SDC3: variants seen among roughly 807,000 people sequenced by gnomAD.
SDC3 encodes the protein syndecan 3.
SDC3 carries 13 observed loss-of-function variants against 24.4 expected under a neutral mutation model. The observed-to-expected ratio is 0.53, with a 90% CI of 0.35 to 0.85. The LOEUF (loss-of-function observed/expected upper bound fraction) is 0.85, where lower values mean the gene tolerates loss of function less well. SDC3 is among the 40% of genes least tolerant of loss of function. The pLI, the probability that SDC3 is intolerant of heterozygous loss-of-function variation, is 0.01. For missense variants in SDC3, 571 were observed against 584.5 expected, an observed-to-expected ratio of 0.98 and a Z score of 0.24; for synonymous variants, 295 against 260.9, an observed-to-expected ratio of 1.13 and a Z score of -1.26.
At chr1:30,891,832 G>A (rs1211347831) in intron 1 of SDC3, among the ~76,000 whole-genome samples, 4 of 145,010 alleles carry the variant, frequency 2.8e-5, no homozygotes, top group African/African-American at 5.1e-5. Flanking sequence ...CAGCCTGGGC[G>A]ACACAGTGAG....
chr1:30,872,975 G>A lies in SDC3; in HGVS notation c.*236C>T, dbSNP rs1639566213. Reference sequence around the variant, plus strand: ...TCCTGAAGCCCCAGACTGGTGGCAGGGATGAGGGGAACAAGAGATGAGCTC... The same window carrying A: ...TCCTGAAGCCCCAGACTGGTGGCAGAGATGAGGGGAACAAGAGATGAGCTC... On this transcript the variant is annotated 3_prime_UTR_variant, in exon 5 of 5. Coordinates refer to ENST00000339394, the MANE Select transcript of SDC3 (RefSeq NM_014654.4). 3.8e-6 allele frequency: 2 copies of A among 528,004 alleles called. No homozygotes were observed. The highest frequency in any genetic ancestry group is 6.7e-6 in the Non-Finnish European group (2 of 298,702). The allele number at this position is 528,004 out of a possible 1,614,324, so 32.7% of individuals were successfully genotyped here.
intron 1 of SDC3, chr1:30,880,048 G>C (rs1257526352): frequency 2.0e-5 from 3 of 152,584 alleles, no homozygotes; most frequent in Admixed American, 2.0e-4. Flanking sequence ...CATGGGGCAG[G>C]AGGAGCTGGG....
At chr1:30,890,890 C>T (rs1296628412) in intron 1 of SDC3, among the ~76,000 whole-genome samples, 1 of 152,216 alleles carries the variant, frequency 6.6e-6, no homozygotes, top group Non-Finnish European at 1.5e-5. Flanking sequence ...AACGTTTAGT[C>T]CGCAGACCAC....
chr1:30,885,871 G>A (rs2124324324), intron 1 of SDC3, among the ~76,000 whole-genome samples: 1 of 152,318 alleles, frequency 6.6e-6, no homozygotes, highest in South Asian at 2.1e-4. Context: ...TCTGTCCCCT[G>A]TGCCTAGACA....
intron 1 of SDC3, among the ~76,000 whole-genome samples, chr1:30,903,441 A>G (rs1343861999): frequency 6.6e-6 from 1 of 152,272 alleles, no homozygotes; most frequent in East Asian, 1.9e-4. Context: ...ACAAATGTAC[A>G]CATGCACGCA....
intron 1 of SDC3, among the ~76,000 whole-genome samples, chr1:30,896,343 C>T (rs1196499571): frequency 6.6e-6 from 1 of 152,130 alleles, no homozygotes; most frequent in Non-Finnish European, 1.5e-5. Context: ...AACAATGTAA[C>T]CCTGAGGGGA....
Position 30,874,443 on chromosome 1 carries a change from G to T in SDC3, c.1016C>A (p.Ala339Asp), listed in dbSNP as rs1437470228. ...TANEVVAVGG[A>D]AAKASSPPGT... is the part of the protein sequence containing the mutation. ...AGGTGGAGATGATGCCTTGGCCGCA[G>T]CCCCTCCCACAGCTACCACCTCATT... Residue 339 changes from alanine to aspartate, a missense_variant, in exon 4 of 5, where the codon GCT becomes GAT. Physicochemically the swap from Ala to Asp is moderately radical, Grantham distance 126. Coordinates refer to ENST00000339394, the MANE Select transcript of SDC3 (RefSeq NM_014654.4). 7 of 1,614,080 alleles carry T rather than the reference G, an allele frequency of 4.3e-6. No homozygotes were observed. The highest frequency in any genetic ancestry group is 5.9e-6 in the Non-Finnish European group (7 of 1,180,036).
At position 30,874,495 on chromosome 1, in the gene SDC3, C is replaced by T. The variant is rs200774918; in HGVS notation, c.964G>A (p.Glu322Lys). ...GPSGDFELPE[E>K]ETTQPDTANE... ...GCTGTGTCTGGTTGTGTGGTCTCTT[C>T]TTCTGGCAGCTCGAAGTCTCCACTG... The change falls in exon 4 of 5, where the codon GAA (glutamate) becomes AAA (lysine). Residue 322 changes from glutamate to lysine, a missense_variant. Physicochemically the swap from Glu to Lys is moderately conservative, Grantham distance 56. Coordinates refer to ENST00000339394, the MANE Select transcript of SDC3 (RefSeq NM_014654.4). 32 of 1,614,204 alleles carry T rather than the reference C, an allele frequency of 2.0e-5. No individual in the cohort carries two copies. In the East Asian group the frequency reaches 3.1e-4, roughly 16 times the overall value.
intron 3 of SDC3, among the ~76,000 whole-genome samples, chr1:30,875,582 C>T (rs1428923726): frequency 6.6e-6 from 1 of 152,178 alleles, no homozygotes; most frequent in East Asian, 1.9e-4. Context: ...TCCCACCTCT[C>T]CATCTTACTT....
chr1:30,876,744 G>A lies in SDC3; in HGVS notation c.678C>T (p.Thr226=), dbSNP rs1405839463. 5 of 1,589,056 alleles carry A rather than the reference G, an allele frequency of 3.1e-6. No homozygotes were observed. The highest frequency in any genetic ancestry group is 2.2e-5 in the East Asian group (1 of 44,680). Residue 226 remains threonine, a synonymous_variant, in exon 3 of 5, where the codon ACC becomes ACT. Transcript: ENST00000339394. The stretch of plus-strand genomic sequence containing the variant: ...TGGTGGGCGGGGAGGGCGCCTCGGG[G>A]GTAGTGGCCCGTGCCGTAGCCACTG... ...LTTVATARAT[T]PEAPSPPTTA...
chr1:30,894,624 G>C (rs533942331), intron 1 of SDC3, among the ~76,000 whole-genome samples: 1 of 39,618 alleles, frequency 2.5e-5, no homozygotes, highest in Admixed American at 2.7e-4. Context: ...TGTGAGTGTG[G>C]GTGAGAGTGT....
chr1:30,874,422 G>A lies in SDC3; in HGVS notation c.1037C>T (p.Pro346Leu). 1.2e-6 allele frequency: 2 copies of A among 1,614,200 alleles called. No homozygotes were observed. The highest frequency in any genetic ancestry group is 1.7e-6 in the Non-Finnish European group (2 of 1,180,014). The change falls in exon 4 of 5, where the codon CCA becomes CTA. Residue 346 changes from proline (P) to leucine (L), a missense_variant. Physicochemically the swap from Pro to Leu is moderately conservative, Grantham distance 98. Coordinates refer to ENST00000339394, the MANE Select transcript of SDC3 (RefSeq NM_014654.4). ...GGCACCCTTGGGCAGTGTCCCAGGT[G>A]GAGATGATGCCTTGGCCGCAGCCCC... ...VGGAAAKASS[P>L]PGTLPKGARP...
rs925820991 is a variant in SDC3, at chr1:30,904,779, T to G, written c.138+3670A>C. ...ACTTTCATTGCTTAGCTCAAAACCC[T>G]CCTCCTCCAGGAAGCCTTCCCTGAC... On this transcript the variant is annotated intron_variant, in intron 1 of 4. Coordinates refer to ENST00000339394, the MANE Select transcript of SDC3 (RefSeq NM_014654.4). 2.6e-5 allele frequency among the ~76,000 whole-genome samples: 4 copies of G among 152,020 alleles called. 1 individual carries two copies. Among genetic ancestry groups the G allele is most frequent in the African/African-American group, 9.7e-5 (4 of 41,384 alleles).
intron 1 of SDC3, among the ~76,000 whole-genome samples, chr1:30,895,939 C>T (rs989527432): frequency 6.6e-6 from 1 of 152,072 alleles, no homozygotes; most frequent in African/African-American, 2.4e-5. Flanking sequence ...AGGAGAAGGT[C>T]TCCTCAAAAC....
chr1:30,871,544 T>C lies in SDC3; in HGVS notation c.*1667A>G, dbSNP rs1639536234. ...GATCTGCAGGGGCTGCTTCCAGCCA[T>C]GGCCCCTGAAGCTGCAGCCAGAATT... On this transcript the variant is annotated 3_prime_UTR_variant, in exon 5 of 5. Coordinates refer to ENST00000339394, the MANE Select transcript of SDC3 (RefSeq NM_014654.4). 1 of 152,434 alleles carries C rather than the reference T, an allele frequency of 6.6e-6. No individual in the cohort carries two copies. Among genetic ancestry groups the C allele is most frequent in the South Asian group, 2.1e-4 (1 of 4,830 alleles). The allele number at this position is 152,434 out of a possible 1,614,324, so 9.4% of individuals were successfully genotyped here.
rs1031445312 is a variant in SDC3, at chr1:30,893,312, C to A, written c.139-14572G>T. Among the ~76,000 whole-genome samples, 6 of 126,834 alleles carry A rather than the reference C, an allele frequency of 4.7e-5. No individual in the cohort carries two copies. In the East Asian group the frequency reaches 9.1e-4, roughly 19 times the overall value. The allele number at this position is 126,834 out of a possible 152,430, so 83.2% of individuals were successfully genotyped here. A position where few individuals can be genotyped will look rare whatever the true frequency, so the allele number is the denominator to read the frequency against. On this transcript the variant is annotated intron_variant, in intron 1 of 4. Coordinates refer to ENST00000339394, the MANE Select transcript of SDC3 (RefSeq NM_014654.4). Reference sequence around the variant, plus strand: ...ACCCCACCCACCAGGAGCCCCCCCCCCCCCCACCATGTCTCATGACCAAAC... The same window carrying A: ...ACCCCACCCACCAGGAGCCCCCCCCACCCCCACCATGTCTCATGACCAAAC...
chr1:30,905,251 G>A (rs1013524155), intron 1 of SDC3, among the ~76,000 whole-genome samples: 13 of 151,816 alleles, frequency 8.6e-5, no homozygotes, highest in Non-Finnish European at 1.5e-4. Context: ...AGGAAGGAAC[G>A]GAAACCACCA....
chr1:30,890,299 C>T (rs936432268), intron 1 of SDC3, among the ~76,000 whole-genome samples: 9 of 152,202 alleles, frequency 5.9e-5, no homozygotes, highest in African/African-American at 2.2e-4. Flanking sequence ...AAGAGCAAAA[C>T]TCAGTCTCAA....
Position 30,874,469 on chromosome 1 carries a change from G to T in SDC3, c.990C>A (p.Ala330=). 1 of 1,614,144 alleles carries T rather than the reference G, an allele frequency of 6.2e-7. No individual in the cohort carries two copies. Among genetic ancestry groups the T allele is most frequent in the Non-Finnish European group, 8.5e-7 (1 of 1,180,006 alleles). The change falls in exon 4 of 5, where the codon GCC becomes GCA. Residue 330 remains alanine (A), a synonymous_variant. Transcript: ENST00000339394. ...PEEETTQPDT[A]NEVVAVGGAA... ...CCCCTCCCACAGCTACCACCTCATTGGCTGTGTCTGGTTGTGTGGTCTCTT... is the reference window on the plus strand; with the variant it reads ...CCCCTCCCACAGCTACCACCTCATTTGCTGTGTCTGGTTGTGTGGTCTCTT...
Sources: gnomAD v4.1 joint callset for allele counts (sites outside exome capture counted in the v4.1 genomes callset) on GRCh38, gnomAD v4.1.1 for gene constraint, MANE v1.5 for transcripts, NCBI Gene and HGNC (gene_info 2026-07-23, HGNC 2026-07-21) for gene names.